The following TLK1 variants were observed in gnomAD, a reference collection of about 807,000 sequenced individuals.
TLK1 encodes the protein tousled like kinase 1.
TLK1 carries 24 observed loss-of-function variants against 105.3 expected under a neutral mutation model. The ratio of observed to expected loss-of-function variants is 0.23; its 90% CI spans 0.17 to 0.32. The LOEUF is 0.32. TLK1 is among the 10% of genes least tolerant of loss of function. TLK1 has a pLI of 1.00. For synonymous variants in TLK1, 321 were observed against 310.4 expected (o/e 1.03, Z -0.36); for missense variants, 558 against 910.5 (o/e 0.61, Z 4.98).
intron 5 of TLK1, among the ~76,000 whole-genome samples, chr2:171,057,947 T>A (rs1054087673): frequency 6.6e-6 from 1 of 152,054 alleles, no homozygotes; most frequent in African/African-American, 2.4e-5. Context: ...AACAACTATG[T>A]GAGAAAGTAT....
At chr2:171,134,019 C>A (rs1418178979) in intron 1 of TLK1, among the ~76,000 whole-genome samples, 1 of 151,972 alleles carries the variant, frequency 6.6e-6, no homozygotes. Context: ...CCATAAAATT[C>A]ATTGTTATGT....
intron 2 of TLK1, among the ~76,000 whole-genome samples, chr2:171,094,659 A>T (rs939763058): frequency 1.6e-4 from 25 of 152,102 alleles, no homozygotes; most frequent in African/African-American, 5.6e-4. Context: ...CCCAGGCTGG[A>T]GTGCAATGGC....
intron 1 of TLK1, among the ~76,000 whole-genome samples, chr2:171,138,088 A>G (rs1691412104): frequency 6.6e-6 from 1 of 152,244 alleles, no homozygotes; most frequent in African/African-American, 2.4e-5. Flanking sequence ...AGTTTGCATC[A>G]CTTTTATCAC....
At chr2:171,078,103 T>C (rs1688594103) in intron 3 of TLK1, among the ~76,000 whole-genome samples, 1 of 152,220 alleles carries the variant, frequency 6.6e-6, no homozygotes, top group Non-Finnish European at 1.5e-5. Flanking sequence ...CTGTGCCATC[T>C]ACACTTGTTA....
At position 171,210,407 on chromosome 2, in the gene TLK1, C is replaced by T. The variant is rs552326731; in HGVS notation, c.-6+20738G>A. 1.6e-4 allele frequency among the ~76,000 whole-genome samples: 25 copies of T among 152,144 alleles called. No homozygotes were observed. The South Asian group carries it at 5.2e-3, about 32-fold the overall frequency. ...CTGGGACTACAGGCACATACCACCA[C>T]ACCCAGCCATGGTCAGTATCTTCCC... On this transcript the variant is annotated intron_variant, in intron 1 of 20. Transcript: ENST00000521943.
chr2:171,158,292 T>C lies in TLK1; in HGVS notation c.139+1998A>G, dbSNP rs116444949. Among the ~76,000 whole-genome samples, 530 of 152,298 alleles carry C rather than the reference T, an allele frequency of 3.5e-3. 6 individuals are homozygous for C. Among genetic ancestry groups the C allele is most frequent in the African/African-American group, 0.012 (487 of 41,576 alleles). On this transcript the variant is annotated intron_variant, in intron 1 of 20. Transcript: ENST00000431350. ...CACAAAAGCCTGTCCTATGATTTCATGAATTAACAGAAACTCACTACTTTA... is the reference window on the plus strand; with the variant it reads ...CACAAAAGCCTGTCCTATGATTTCACGAATTAACAGAAACTCACTACTTTA...
chr2:171,001,097 G>A (rs1291928156), intron 18 of TLK1, among the ~76,000 whole-genome samples: 3 of 152,150 alleles, frequency 2.0e-5, no homozygotes, highest in African/African-American at 7.2e-5. Flanking sequence ...TGCAACAACT[G>A]GACACGGTTT....
intron 1 of TLK1, among the ~76,000 whole-genome samples, chr2:171,187,580 G>T (rs1336984740): frequency 2.6e-5 from 4 of 152,080 alleles, no homozygotes; most frequent in African/African-American, 9.7e-5. Context: ...TTTAAGAAGG[G>T]GGCACAAAAT....
At chr2:171,127,725 A>T (rs1690929169) in intron 1 of TLK1, among the ~76,000 whole-genome samples, 1 of 152,126 alleles carries the variant, frequency 6.6e-6, no homozygotes, top group African/African-American at 2.4e-5. Flanking sequence ...CCAATTTCTC[A>T]CCAATTCAAA....
chr2:171,055,203 C>CAAAAAAA (rs71399594), intron 6 of TLK1, 31 bp from the exon 7 acceptor site: 24 of 518,258 alleles, frequency 4.6e-5, no homozygotes, highest in African/African-American at 1.1e-4. Flanking sequence ...TTTATATTAG[C>CAAAAAAA]AAAAAAAAAA....
intron 11 of TLK1, among the ~76,000 whole-genome samples, chr2:171,039,930 G>A (rs931760916): frequency 2.0e-5 from 3 of 152,090 alleles, no homozygotes; most frequent in Non-Finnish European, 4.4e-5. Flanking sequence ...AAAATCTTGT[G>A]AGAGGTGTAG....
chr2:170,993,692 A>AAT lies in TLK1; in HGVS notation c.*87_*88insAT. The AAT allele has an allele frequency of 9.4e-7, 1 of 1,062,024 alleles. No individual in the cohort carries two copies. The highest frequency in any genetic ancestry group is 1.3e-6 in the Non-Finnish European group (1 of 789,254). The allele number at this position is 1,062,024 out of a possible 1,614,324, so 65.8% of individuals were successfully genotyped here. A position where few individuals can be genotyped will look rare whatever the true frequency, so the allele number is the denominator to read the frequency against. On this transcript the variant is annotated 3_prime_UTR_variant, in exon 21 of 21. Coordinates refer to ENST00000431350, the MANE Select transcript of TLK1 (RefSeq NM_012290.5). ...GTAAAAAAAAAAAAAAAAAAAAAAG[A>AAT]AAAAGAAAACAAACACTCAAATGCT...
rs1454577866 is a variant in TLK1, at chr2:170,992,943, G to C, written c.*837C>G. 3.9e-5 allele frequency: 6 copies of C among 152,596 alleles called. No individual in the cohort carries two copies. The highest frequency in any genetic ancestry group is 3.3e-4 in the Admixed American group (5 of 15,274). 9.5% of individuals were successfully genotyped at this position (152,596 alleles called of 1,614,324 possible). A position where few individuals can be genotyped will look rare whatever the true frequency, so the allele number is the denominator to read the frequency against. ...TTTATCATTATCCTGCATAGAACTG[G>C]TCTGCATTTGGTTACTCACTGTCAC... On this transcript the variant is annotated 3_prime_UTR_variant, in exon 21 of 21. Coordinates refer to ENST00000431350, the MANE Select transcript of TLK1 (RefSeq NM_012290.5).
At chr2:171,148,928 C>T (rs745737950) in intron 1 of TLK1, among the ~76,000 whole-genome samples, 111 of 131,306 alleles carry the variant, frequency 8.5e-4, no homozygotes, top group Non-Finnish European at 1.4e-3. Flanking sequence ...TGTGTGTGTG[C>T]GTGTGCGTGT....
intron 1 of TLK1, among the ~76,000 whole-genome samples, chr2:171,230,586 C>G (rs781706948): frequency 3.9e-5 from 6 of 152,162 alleles, no homozygotes; most frequent in Non-Finnish European, 7.3e-5. Flanking sequence ...CCTAAACACC[C>G]TAGCCCCAGA....
intron 1 of TLK1, among the ~76,000 whole-genome samples, chr2:171,141,230 C>A (rs186747567): frequency 9.7e-4 from 148 of 152,238 alleles, no homozygotes; most frequent in African/African-American, 3.4e-3. Flanking sequence ...AACTGACGAA[C>A]GAGCTCATCA....
intron 2 of TLK1, among the ~76,000 whole-genome samples, chr2:171,097,397 G>A (rs1689496212): frequency 6.6e-6 from 1 of 152,136 alleles, no homozygotes; most frequent in African/African-American, 2.4e-5. Flanking sequence ...AAAAAAGCTT[G>A]TTGACATTGG....
chr2:171,180,874 A>T lies in TLK1; in HGVS notation c.-6+50271T>A, dbSNP rs552448709. 4.9e-4 allele frequency among the ~76,000 whole-genome samples: 72 copies of T among 148,146 alleles called. 1 individual carries two copies. The South Asian group carries it at 0.015, about 31-fold the overall frequency. On this transcript the variant is annotated intron_variant, in intron 1 of 20. Coordinates refer to the TLK1 transcript ENST00000521943. ...AGCATAATGTTCAAAGCTGGAGAAG[A>T]TGACTTTTCATGAGAAGTAAAACTA...
chr2:171,150,318 GT>G (rs1691981606), intron 1 of TLK1, among the ~76,000 whole-genome samples: 1 of 152,154 alleles, frequency 6.6e-6, no homozygotes, highest in Non-Finnish European at 1.5e-5. Context: ...CTTTTACTCA[GT>G]TACTGTATCA....
Sources: allele counts gnomAD v4.1 joint callset (sites outside exome capture counted in the v4.1 genomes callset), GRCh38; gene constraint gnomAD v4.1.1; transcripts MANE v1.5; gene names NCBI Gene and HGNC (gene_info 2026-07-23, HGNC 2026-07-21).